The following KAZN variants were observed in gnomAD, a reference collection of about 807,000 sequenced individuals.
KAZN encodes kazrin, periplakin interacting protein.
In KAZN, 40 loss-of-function variants were observed where a neutral mutation model predicts 87.4. The ratio of observed to expected loss-of-function variants is 0.46; its 90% CI spans 0.36 to 0.60. The LOEUF is 0.60. KAZN is among the 20% of genes least tolerant of loss of function. The probability of loss-of-function intolerance (pLI) is 0.00; values close to 1 mark genes in which losing one functional copy is unlikely to be tolerated. For missense variants in KAZN, 898 were observed against 1,073.9 expected, an observed-to-expected ratio of 0.84 and a Z score of 2.29; for synonymous variants, 466 against 458.3, an observed-to-expected ratio of 1.02 and a Z score of -0.22.
chr1:14,675,783 TGA>T (rs1383705877), intron 1 of KAZN, among the ~76,000 whole-genome samples: 1 of 152,186 alleles, frequency 6.6e-6, no homozygotes, highest in Non-Finnish European at 1.5e-5. Flanking sequence ...GTTCATTGCT[TGA>T]GAAATGGGGA....
At chr1:15,083,150 G>T (rs961861246) in intron 8 of KAZN, among the ~76,000 whole-genome samples, 2 of 152,120 alleles carry the variant, frequency 1.3e-5, no homozygotes, top group Non-Finnish European at 2.9e-5. Flanking sequence ...CAAGTACCAG[G>T]GTGCTCCAAA....
intron 1 of KAZN, among the ~76,000 whole-genome samples, chr1:14,957,070 C>T (rs961822953): frequency 9.9e-5 from 15 of 152,156 alleles, no homozygotes; most frequent in Admixed American, 5.9e-4. Context: ...TCTGTTTCTT[C>T]GTGTGTGCGT....
intron 2 of KAZN, among the ~76,000 whole-genome samples, chr1:14,206,847 T>A (rs939525882): frequency 1.1e-4 from 16 of 152,176 alleles, no homozygotes; most frequent in African/African-American, 3.4e-4. Flanking sequence ...CATTCTCCTA[T>A]AACCGAGCAC....
chr1:14,654,477 G>A (rs1266390591), intron 1 of KAZN, among the ~76,000 whole-genome samples: 1 of 152,074 alleles, frequency 6.6e-6, no homozygotes, highest in East Asian at 1.9e-4. Context: ...TCAGTCCTGG[G>A]GAGGAACCAG....
intron 2 of KAZN, among the ~76,000 whole-genome samples, chr1:14,540,877 T>G (rs145226117): frequency 4.7e-4 from 72 of 152,314 alleles, no homozygotes; most frequent in African/African-American, 1.7e-3. Flanking sequence ...TGCATGCATA[T>G]CTCCATAGAG....
chr1:14,643,447 T>G (rs1680557286), intron 1 of KAZN, among the ~76,000 whole-genome samples: 1 of 152,230 alleles, frequency 6.6e-6, no homozygotes, highest in Non-Finnish European at 1.5e-5. Context: ...CTGCATTAGT[T>G]TGCTAAGGAT....
chr1:14,551,670 G>A (rs576824949), intron 2 of KAZN, among the ~76,000 whole-genome samples: 7 of 152,252 alleles, frequency 4.6e-5, no homozygotes, highest in Admixed American at 2.0e-4. Flanking sequence ...GTTAGTGGGT[G>A]GAGGGAGCGA....
intron 1 of KAZN, among the ~76,000 whole-genome samples, chr1:14,099,619 G>A (rs1644205006): frequency 6.6e-6 from 1 of 152,138 alleles, no homozygotes; most frequent in South Asian, 2.1e-4. Context: ...CCTCTCACCT[G>A]AGGAGTTTTT....
Position 13,936,096 on chromosome 1 carries a change from G to GTT in KAZN, c.91+42354_91+42355dup, listed in dbSNP as rs70984301. Among the ~76,000 whole-genome samples the GTT allele has an allele frequency of 2.9e-4, 25 of 84,842 alleles. 2 individuals carry two copies. Among genetic ancestry groups the GTT allele is most frequent in the South Asian group, 1.8e-3 (3 of 1,652 alleles). The allele number at this position is 84,842 out of a possible 152,430, so 55.7% of individuals were successfully genotyped here. ...TATAGATTTAGGTGGTACAAGTGCA[G>GTT]TTTTTTTTTTTTTTTGAGACAGAGT... On this transcript the variant is annotated intron_variant, in intron 1 of 16. Transcript: ENST00000636203.
intron 1 of KAZN, among the ~76,000 whole-genome samples, chr1:13,894,518 C>T (rs1638960824): frequency 6.6e-6 from 1 of 152,168 alleles, no homozygotes; most frequent in Non-Finnish European, 1.5e-5. Context: ...AATAGGATGC[C>T]TGTTTCTCGA....
At chr1:14,710,821 T>C (rs997302432) in intron 1 of KAZN, among the ~76,000 whole-genome samples, 14 of 152,248 alleles carry the variant, frequency 9.2e-5, no homozygotes, top group African/African-American at 3.1e-4. Context: ...GGTCTTGGTC[T>C]ATTGTATGTT....
At chr1:14,850,666 C>T (rs987368151) in intron 1 of KAZN, among the ~76,000 whole-genome samples, 3 of 152,182 alleles carry the variant, frequency 2.0e-5, no homozygotes, top group Admixed American at 1.3e-4. Flanking sequence ...GCAGCTCCAG[C>T]ACCCAGCATT....
intron 1 of KAZN, among the ~76,000 whole-genome samples, chr1:14,880,140 A>G (rs1290351779): frequency 6.6e-6 from 1 of 152,138 alleles, no homozygotes; most frequent in African/African-American, 2.4e-5. Flanking sequence ...GAGGAGAGTT[A>G]TGTGTGAAAA....
chr1:14,965,145 A>G (rs1273566112), intron 2 of KAZN, among the ~76,000 whole-genome samples: 7 of 151,808 alleles, frequency 4.6e-5, no homozygotes. Flanking sequence ...GAGCCTCCAG[A>G]GAAGCTGGAA....
At chr1:14,047,889 TAAAG>T (rs984494903) in intron 1 of KAZN, among the ~76,000 whole-genome samples, 2 of 151,302 alleles carry the variant, frequency 1.3e-5, no homozygotes, top group African/African-American at 4.9e-5. Flanking sequence ...AAAAAAAAAA[TAAAG>T]AAAGAAGGAA....
chr1:14,657,558 G>T (rs953298159), intron 1 of KAZN, among the ~76,000 whole-genome samples: 4 of 152,332 alleles, frequency 2.6e-5, no homozygotes, highest in Admixed American at 6.5e-5. Flanking sequence ...TGTGTGAGTT[G>T]CCGCCTTTGC....
chr1:14,235,176 G>A (rs2486318), intron 2 of KAZN, among the ~76,000 whole-genome samples: 1 of 151,736 alleles, frequency 6.6e-6, no homozygotes, highest in Non-Finnish European at 1.5e-5. Context: ...GTAGTATAAC[G>A]ACACAATGAA....
intron 1 of KAZN, among the ~76,000 whole-genome samples, chr1:14,149,776 AT>A (rs932152824): frequency 6.6e-6 from 1 of 152,146 alleles, no homozygotes; most frequent in African/African-American, 2.4e-5. Flanking sequence ...AAATACCATG[AT>A]TTTTTTAAAA....
At chr1:14,262,344 A>C (rs1651106375) in intron 2 of KAZN, among the ~76,000 whole-genome samples, 1 of 152,220 alleles carries the variant, frequency 6.6e-6, no homozygotes, top group African/African-American at 2.4e-5. Context: ...AGATGACTAA[A>C]ATTGGTAAAA....
Sources: allele counts gnomAD v4.1 joint callset (sites outside exome capture counted in the v4.1 genomes callset), GRCh38; gene constraint gnomAD v4.1.1; transcripts MANE v1.5; gene names NCBI Gene and HGNC (gene_info 2026-07-23, HGNC 2026-07-21).